Variants in OXR1 observed in about 807,000 individuals in gnomAD.
OXR1 encodes oxidation resistance protein 1.
In OXR1, 41 loss-of-function variants were observed where a neutral mutation model predicts 104.6. The ratio of observed to expected loss-of-function variants is 0.39; its 90% CI spans 0.31 to 0.51. The LOEUF (loss-of-function observed/expected upper bound fraction) is 0.51, where lower values mean the gene tolerates loss of function less well. Ranked by LOEUF, OXR1 falls within the 20% of genes least tolerant of loss-of-function variation. The pLI is 0.77. For missense variants in OXR1, 955 were observed against 1,031.9 expected (o/e 0.93, Z 1.02); for synonymous variants, 348 against 348.4 (o/e 1.00, Z 0.01).
Position 106,405,233 on chromosome 8 carries a change from G to C in OXR1, c.23+45597G>C, listed in dbSNP as rs189793666. Among the ~76,000 whole-genome samples the C allele has an allele frequency of 1.9e-4, 24 of 124,528 alleles. 1 individual carries two copies. Among genetic ancestry groups the C allele is most frequent in the African/African-American group, 8.5e-4 (24 of 28,242 alleles). The allele number at this position is 124,528 out of a possible 152,430, so 81.7% of individuals were successfully genotyped here. On this transcript the variant is annotated intron_variant, in intron 2 of 16. Coordinates refer to ENST00000517566, the MANE Select transcript of OXR1 (RefSeq NM_001198533.2). The stretch of plus-strand genomic sequence containing the variant: ...TGTGTGTGTGTGTGTGTGTGTGTGT[G>C]TGTGTGTATAGGCTCATGTGATTAT...
intron 11 of OXR1, among the ~76,000 whole-genome samples, chr8:106,722,535 C>G (rs994262351): frequency 3.4e-4 from 52 of 152,094 alleles, no homozygotes; most frequent in African/African-American, 1.2e-3. Flanking sequence ...ATGGAGCTGT[C>G]TCTTAGTGAT....
chr8:106,286,038 T>G (rs980428290), intron 1 of OXR1, among the ~76,000 whole-genome samples: 1 of 150,654 alleles, frequency 6.6e-6, no homozygotes, highest in Non-Finnish European at 1.5e-5. Flanking sequence ...CTCTCACCTC[T>G]AGTCTCAGTG....
At chr8:106,567,024 T>G (rs1817128421) in intron 3 of OXR1, among the ~76,000 whole-genome samples, 2 of 152,072 alleles carry the variant, frequency 1.3e-5, no homozygotes, top group African/African-American at 4.8e-5. Context: ...AGATGATGGT[T>G]TAATAGGTGC....
intron 1 of OXR1, among the ~76,000 whole-genome samples, chr8:106,325,083 C>A (rs1165704428): frequency 1.3e-5 from 2 of 152,194 alleles, no homozygotes; most frequent in South Asian, 4.2e-4. Context: ...ATAGCAGGAC[C>A]TTTAGGAAAA....
intron 11 of OXR1, among the ~76,000 whole-genome samples, chr8:106,735,992 A>G (rs1393048668): frequency 6.6e-6 from 1 of 152,208 alleles, no homozygotes; most frequent in African/African-American, 2.4e-5. Flanking sequence ...GTAATCAAGT[A>G]AAAGTCATAT....
chr8:106,388,513 C>T (rs1182828105), intron 2 of OXR1, among the ~76,000 whole-genome samples: 2 of 151,928 alleles, frequency 1.3e-5, no homozygotes, highest in African/African-American at 2.4e-5. Flanking sequence ...ACCTCTGCCT[C>T]CCTGGTTCAA....
chr8:106,726,517 T>G (rs983075480), intron 11 of OXR1, among the ~76,000 whole-genome samples: 1 of 152,196 alleles, frequency 6.6e-6, no homozygotes, highest in African/African-American at 2.4e-5. Flanking sequence ...TAATTTTGTT[T>G]CATATTAAGT....
chr8:106,570,903 A>G (rs1302535055), intron 3 of OXR1, among the ~76,000 whole-genome samples: 4 of 152,182 alleles, frequency 2.6e-5, no homozygotes, highest in Non-Finnish European at 5.9e-5. Context: ...TGACCTAAAC[A>G]AATCACCCTA....
intron 2 of OXR1, among the ~76,000 whole-genome samples, chr8:106,416,336 AT>A (rs1818678043): frequency 6.6e-6 from 1 of 152,110 alleles, no homozygotes; most frequent in Non-Finnish European, 1.5e-5. Context: ...CTATATTGTC[AT>A]TTTAAAGCTA....
intron 3 of OXR1, among the ~76,000 whole-genome samples, chr8:106,594,501 T>G (rs10092734): frequency 0.2 from 29,807 of 150,030 alleles, 3,055 homozygotes; most frequent in East Asian, 0.37. Flanking sequence ...CCTTAACTGC[T>G]GCTTTTGTTT....
chr8:106,343,798 T>A (rs924305473), intron 1 of OXR1, among the ~76,000 whole-genome samples: 5 of 152,196 alleles, frequency 3.3e-5, no homozygotes, highest in Admixed American at 2.6e-4. Flanking sequence ...GCTTTGTATA[T>A]CTCGGGTAGT....
In OXR1 at chr8:106,703,073, A is replaced by G. The variant is rs1830726468; in HGVS notation, c.843A>G (p.Ile281Met). 6.2e-7 allele frequency: 1 copy of G among 1,611,368 alleles called. No homozygotes were observed. The change falls in exon 8 of 17, where the codon ATA (isoleucine) becomes ATG (methionine). Residue 281 changes from isoleucine (I) to methionine (M), a missense_variant. Coordinates refer to ENST00000517566, the MANE Select transcript of OXR1 (RefSeq NM_001198533.2). The part of the protein sequence containing the change: ...AMYKEILDSK[I>M]KESLPIDIDQ... ...ACAAAGAAATTTTGGATAGCAAAAT[A>G]AAGGAATCTTTACCCATGTAAGAGT...
At chr8:106,526,787 C>T (rs1813717898) in intron 3 of OXR1, among the ~76,000 whole-genome samples, 1 of 152,200 alleles carries the variant, frequency 6.6e-6, no homozygotes, top group Admixed American at 6.5e-5. Flanking sequence ...TCGTGATGCG[C>T]CCCCCTCTGC....
At chr8:106,289,250 A>T (rs1230576736) in intron 1 of OXR1, among the ~76,000 whole-genome samples, 1 of 152,208 alleles carries the variant, frequency 6.6e-6, no homozygotes, top group African/African-American at 2.4e-5. Context: ...CTTCGCTTCT[A>T]TACCTAGAAA....
chr8:106,626,044 T>TTC (rs112128734), intron 3 of OXR1, among the ~76,000 whole-genome samples: 1 of 148,338 alleles, frequency 6.7e-6, no homozygotes, highest in Non-Finnish European at 1.5e-5. Context: ...GTTCTGCGTT[T>TTC]TGTGTGTGTG....
chr8:106,364,924 G>C (rs1043450553), intron 2 of OXR1, among the ~76,000 whole-genome samples: 3 of 152,118 alleles, frequency 2.0e-5, no homozygotes, highest in African/African-American at 7.2e-5. Context: ...CTAAATTGCA[G>C]GCTCTCAGGG....
chr8:106,387,396 A>G (rs537631752), intron 2 of OXR1, among the ~76,000 whole-genome samples: 2 of 152,284 alleles, frequency 1.3e-5, no homozygotes, highest in South Asian at 2.1e-4. Flanking sequence ...CTCTCTCTCC[A>G]TCTAGACACA....
intron 1 of OXR1, among the ~76,000 whole-genome samples, chr8:106,336,170 T>C (rs1446112696): frequency 1.3e-5 from 2 of 152,198 alleles, no homozygotes; most frequent in African/African-American, 2.4e-5. Flanking sequence ...CTGGAAAGAA[T>C]GCAGTGGTGG....
At chr8:106,540,520 T>C (rs2130320826) in intron 3 of OXR1, among the ~76,000 whole-genome samples, 1 of 152,372 alleles carries the variant, frequency 6.6e-6, no homozygotes, top group African/African-American at 2.4e-5. Flanking sequence ...GTTTGCATTT[T>C]GATACACTTC....
Sources: gnomAD v4.1 joint callset for allele counts (sites outside exome capture counted in the v4.1 genomes callset) on GRCh38, gnomAD v4.1.1 for gene constraint, MANE v1.5 for transcripts, NCBI Gene and HGNC (gene_info 2026-07-23, HGNC 2026-07-21) for gene names.